The following NTN1 variants were observed in gnomAD, a reference collection of about 807,000 sequenced individuals.
The protein encoded by NTN1 is netrin 1.
Under a neutral mutation model 54.2 loss-of-function variants are expected in NTN1, and 11 were observed. That is an observed-to-expected ratio of 0.20 (90% CI 0.13 to 0.34). The LOEUF (loss-of-function observed/expected upper bound fraction) is 0.34. NTN1 is among the 10% of genes least tolerant of loss of function. The pLI is 1.00. For synonymous variants in NTN1, 371 were observed against 382.0 expected, an observed-to-expected ratio of 0.97 and a Z score of 0.33; for missense variants, 740 against 893.1, an observed-to-expected ratio of 0.83 and a Z score of 2.18.
intron 2 of NTN1, among the ~76,000 whole-genome samples, chr17:9,075,829 G>GGA (rs397740646): frequency 6.6e-6 from 1 of 152,000 alleles, no homozygotes; most frequent in African/African-American, 2.4e-5. Context: ...TCCCCAGGGG[G>GGA]AAAATACCCC....
chr17:9,180,411 A>AC (rs1198839024), intron 4 of NTN1, among the ~76,000 whole-genome samples: 3 of 151,388 alleles, frequency 2.0e-5, no homozygotes, highest in Admixed American at 6.6e-5. Flanking sequence ...CACGTGGGAG[A>AC]CCCCCCAAGC....
chr17:9,218,847 G>T (rs1032660650), intron 5 of NTN1, among the ~76,000 whole-genome samples: 2 of 152,016 alleles, frequency 1.3e-5, no homozygotes, highest in African/African-American at 4.8e-5. Flanking sequence ...CCCATGGTGA[G>T]GAGGCCGGTG....
chr17:9,192,362 G>T (rs887586799), intron 5 of NTN1, among the ~76,000 whole-genome samples: 13 of 152,176 alleles, frequency 8.5e-5, no homozygotes, highest in Admixed American at 7.9e-4. Flanking sequence ...AAAATATAGT[G>T]CCAGGTGACA....
At chr17:9,089,771 C>T (rs79003320) in intron 2 of NTN1, among the ~76,000 whole-genome samples, 1,712 of 152,280 alleles carry the variant, frequency 0.011, 35 homozygotes, top group African/African-American at 0.039. Context: ...CAGCCGCAGC[C>T]GCTTGCCTGT....
At chr17:9,040,123 A>G (rs770780088) in intron 2 of NTN1, among the ~76,000 whole-genome samples, 10 of 152,206 alleles carry the variant, frequency 6.6e-5, no homozygotes, top group Non-Finnish European at 1.3e-4. Context: ...TGAGAGTTCT[A>G]GTTTCTCCAG....
intron 5 of NTN1, among the ~76,000 whole-genome samples, chr17:9,199,369 T>G (rs1202101944): frequency 6.6e-6 from 1 of 152,250 alleles, no homozygotes; most frequent in Non-Finnish European, 1.5e-5. Context: ...CTTGAAGTCC[T>G]GACCTCAAAT....
intron 6 of NTN1, among the ~76,000 whole-genome samples, chr17:9,231,639 G>C (rs1462190200): frequency 6.6e-6 from 1 of 152,206 alleles, no homozygotes; most frequent in African/African-American, 2.4e-5. Context: ...AGGCAAAGGG[G>C]CTCGCTGGAG....
Position 9,123,893 on chromosome 17 carries a change from A to T in NTN1, c.1019-38920A>T, listed in dbSNP as rs146782603. 1.0e-3 allele frequency among the ~76,000 whole-genome samples: 153 copies of T among 152,298 alleles called. 1 individual carries two copies. Among genetic ancestry groups the T allele is most frequent in the African/African-American group, 3.5e-3 (147 of 41,574 alleles). The stretch of plus-strand genomic sequence containing the variant: ...CCATGAAAAATGTGAAGGGTTATTC[A>T]TGTTGTTGTACCAGATCTTTGAAAA... On this transcript the variant is annotated intron_variant, in intron 2 of 6. Coordinates refer to ENST00000173229, the MANE Select transcript of NTN1 (RefSeq NM_004822.3).
At chr17:9,110,931 C>CT (rs34319949) in intron 2 of NTN1, among the ~76,000 whole-genome samples, 22,754 of 104,360 alleles carry the variant, frequency 0.22, 3,316 homozygotes, top group Non-Finnish European at 0.26. Flanking sequence ...AATTCAGGAT[C>CT]TTTTTTTTTT....
intron 5 of NTN1, among the ~76,000 whole-genome samples, chr17:9,184,952 A>C (rs557288302): frequency 1.7e-4 from 26 of 152,264 alleles, no homozygotes; most frequent in Non-Finnish European, 2.8e-4. Flanking sequence ...AACTTTTCGG[A>C]CTGCTTTTGA....
chr17:9,022,778 A>C lies in NTN1; in HGVS notation c.405A>C (p.Thr135=). Residue 135 remains threonine, a synonymous_variant, in exon 2 of 7, where the codon ACA becomes ACC. Transcript: ENST00000173229. ...AGTTCCCGCACAACGTCACGCTCACACTGTCCCTCGGCAAGAAGTTCGAAG... is the reference window on the plus strand; with the variant it reads ...AGTTCCCGCACAACGTCACGCTCACCCTGTCCCTCGGCAAGAAGTTCGAAG... The part of the protein sequence containing the change: ...YLQFPHNVTL[T]LSLGKKFEVT... 6.2e-7 allele frequency: 1 copy of C among 1,610,400 alleles called. No individual in the cohort carries two copies. The highest frequency in any genetic ancestry group is 8.5e-7 in the Non-Finnish European group (1 of 1,179,046).
At chr17:9,064,672 G>A (rs917792514) in intron 2 of NTN1, among the ~76,000 whole-genome samples, 5 of 152,112 alleles carry the variant, frequency 3.3e-5, no homozygotes, top group African/African-American at 1.2e-4. Context: ...TCACACTGCC[G>A]AGTCACCATC....
intron 2 of NTN1, among the ~76,000 whole-genome samples, chr17:9,162,103 C>T (rs1156353989): frequency 1.3e-5 from 2 of 152,014 alleles, no homozygotes; most frequent in Non-Finnish European, 2.9e-5. Flanking sequence ...ATGTGGGGGT[C>T]CTCTCCCCAG....
chr17:9,019,004 C>G (rs1815364817), upstream of NTN1, among the ~76,000 whole-genome samples: 1 of 152,174 alleles, frequency 6.6e-6, no homozygotes, highest in South Asian at 2.1e-4. Context: ...AGCAGTAGGT[C>G]TGTTTTTATC....
chr17:9,181,909 G>T (rs750074375), intron 4 of NTN1, among the ~76,000 whole-genome samples: 1 of 152,198 alleles, frequency 6.6e-6, no homozygotes, highest in Non-Finnish European at 1.5e-5. Context: ...TGGCTGAACC[G>T]CCTCTCTTTT....
At chr17:9,008,862 C>G in the NTN1 span, among the ~76,000 whole-genome samples, 1 of 151,972 alleles carries the variant, frequency 6.6e-6, no homozygotes. Context: ...GGGTACAATC[C>G]AAACCCCAGC....
intron 5 of NTN1, among the ~76,000 whole-genome samples, chr17:9,194,052 A>T (rs572062749): frequency 6.6e-6 from 1 of 151,946 alleles, no homozygotes; most frequent in Non-Finnish European, 1.5e-5. Context: ...CCTGGCCAAC[A>T]TAGTGAAACC....
At chr17:9,062,454 T>C (rs1336250456) in intron 2 of NTN1, among the ~76,000 whole-genome samples, 2 of 152,154 alleles carry the variant, frequency 1.3e-5, no homozygotes, top group African/African-American at 4.8e-5. Flanking sequence ...TCTGACACAT[T>C]TTTTGAGACC....
rs537499266 is a variant in NTN1, at chr17:9,206,418, C to T, written c.1412-14750C>T. On this transcript the variant is annotated intron_variant, in intron 5 of 6. Transcript: ENST00000173229. ...CATCTCACATGGTCAGTGCAGCCCC[C>T]AACCTCTCCCAGCCCGGCCACCCCA... 8.3e-4 allele frequency among the ~76,000 whole-genome samples: 127 copies of T among 152,184 alleles called. 1 individual carries two copies. Among genetic ancestry groups the T allele is most frequent in the Non-Finnish European group, 1.4e-3 (98 of 68,010 alleles).
Sources: gnomAD v4.1 joint callset for allele counts (sites outside exome capture counted in the v4.1 genomes callset) on GRCh38, gnomAD v4.1.1 for gene constraint, MANE v1.5 for transcripts, NCBI Gene and HGNC (gene_info 2026-07-23, HGNC 2026-07-21) for gene names.